Variants in RBM20 observed in about 807,000 individuals in gnomAD.
RBM20 encodes the protein RNA-binding protein 20.
In RBM20, 51 loss-of-function variants were observed where a neutral mutation model predicts 110.1. That is an observed-to-expected ratio of 0.46 (90% CI 0.37 to 0.59). The LOEUF (loss-of-function observed/expected upper bound fraction) is 0.59, where lower values mean the gene tolerates loss of function less well. Among genes scored for constraint, RBM20 ranks in the 20% least tolerant of loss-of-function variants. The pLI is 0.00. For synonymous variants in RBM20, 589 were observed against 618.2 expected (o/e 0.95, Z 0.70); for missense variants, 1,512 against 1,574.9 (o/e 0.96, Z 0.68).
In RBM20 at chr10:110,833,513, C is replaced by A. The variant is rs142098635; in HGVS notation, c.3573+2331C>A. On this transcript the variant is annotated intron_variant, in intron 13 of 13. Coordinates refer to ENST00000369519, the MANE Select transcript of RBM20 (RefSeq NM_001134363.3). ...CATCCTTATATCAGGCTCTGATAGT[C>A]GATGTGAGAACCTTTTCTCTCATCC... 9.1e-3 allele frequency among the ~76,000 whole-genome samples: 1,383 copies of A among 151,904 alleles called. 16 individuals are homozygous for A. Among genetic ancestry groups the A allele is most frequent in the Non-Finnish European group, 0.013 (890 of 68,000 alleles).
At chr10:110,776,088 A>G (rs1844258935) in intron 1 of RBM20, among the ~76,000 whole-genome samples, 1 of 152,182 alleles carries the variant, frequency 6.6e-6, no homozygotes, top group Non-Finnish European at 1.5e-5. Flanking sequence ...CTGTTGCCAG[A>G]GGGATGTGGT....
At chr10:110,696,596 A>T (rs1168242159) in intron 1 of RBM20, among the ~76,000 whole-genome samples, 1 of 152,120 alleles carries the variant, frequency 6.6e-6, no homozygotes, top group African/African-American at 2.4e-5. Flanking sequence ...ACTGGGCTGG[A>T]TCTAGGAGCA....
intron 1 of RBM20, among the ~76,000 whole-genome samples, chr10:110,747,320 G>C (rs1162697766): frequency 6.6e-6 from 1 of 151,758 alleles, no homozygotes; most frequent in African/African-American, 2.4e-5. Flanking sequence ...ATTCTGGCAG[G>C]GTAGCACTGG....
intron 5 of RBM20, among the ~76,000 whole-genome samples, chr10:110,789,774 T>A (rs1376099567): frequency 2.0e-5 from 3 of 152,116 alleles, no homozygotes; most frequent in African/African-American, 7.2e-5. Flanking sequence ...CACTCTAGGG[T>A]CCCCAGAGAT....
At chr10:110,767,504 G>A (rs571109959) in intron 1 of RBM20, among the ~76,000 whole-genome samples, 1 of 141,510 alleles carries the variant, frequency 7.1e-6, no homozygotes, top group African/African-American at 2.6e-5. Context: ...GGGCGGCTGC[G>A]GGGCGGAGGG....
intron 1 of RBM20, among the ~76,000 whole-genome samples, chr10:110,666,812 G>A (rs1862185048): frequency 6.6e-6 from 1 of 152,146 alleles, no homozygotes; most frequent in African/African-American, 2.4e-5. Flanking sequence ...GAGGATTATA[G>A]GGTTTTACAA....
At chr10:110,785,945 T>C (rs1844414138) in intron 5 of RBM20, among the ~76,000 whole-genome samples, 1 of 152,224 alleles carries the variant, frequency 6.6e-6, no homozygotes, top group African/African-American at 2.4e-5. Flanking sequence ...CCAGTAGCAT[T>C]TGTTGGCCCC....
intron 1 of RBM20, among the ~76,000 whole-genome samples, chr10:110,726,921 A>G (rs973651441): frequency 6.6e-6 from 1 of 152,156 alleles, no homozygotes; most frequent in African/African-American, 2.4e-5. Flanking sequence ...ACCTTGGCTC[A>G]CTGCAACCTC....
Position 110,807,984 on chromosome 10 carries a change from C to A in RBM20, c.1801-2399C>A, listed in dbSNP as rs551427685. ...GTCATGGTCTTGGTCCTGATGGTTC[C>A]CACCAGCTTTCCCAAGCTCTGCTGC... On this transcript the variant is annotated intron_variant, in intron 7 of 13. Transcript: ENST00000369519. Among the ~76,000 whole-genome samples the A allele has an allele frequency of 4.6e-5, 7 of 152,342 alleles. No homozygotes were observed. The South Asian group carries it at 1.4e-3, about 32-fold the overall frequency.
chr10:110,696,031 C>G (rs979197379), intron 1 of RBM20, among the ~76,000 whole-genome samples: 1 of 152,214 alleles, frequency 6.6e-6, no homozygotes, highest in Non-Finnish European at 1.5e-5. Flanking sequence ...CTTAGGAATG[C>G]AAATTCTCAG....
chr10:110,768,328 A>G (rs1227056851), intron 1 of RBM20, among the ~76,000 whole-genome samples: 1 of 152,226 alleles, frequency 6.6e-6, no homozygotes, highest in East Asian at 1.9e-4. Flanking sequence ...AGTAATGCAC[A>G]TATAATATTC....
At chr10:110,746,630 CTA>C (rs1234411746) in intron 1 of RBM20, among the ~76,000 whole-genome samples, 1 of 152,204 alleles carries the variant, frequency 6.6e-6, no homozygotes, top group African/African-American at 2.4e-5. Flanking sequence ...TGTGGGAATT[CTA>C]TGATTTTGCA....
At chr10:110,757,030 A>T (rs1843930612) in intron 1 of RBM20, among the ~76,000 whole-genome samples, 1 of 152,256 alleles carries the variant, frequency 6.6e-6, no homozygotes, top group South Asian at 2.1e-4. Flanking sequence ...AGCAAGAATT[A>T]GAGGATATAC....
intron 11 of RBM20, among the ~76,000 whole-genome samples, chr10:110,822,975 T>C (rs1302034321): frequency 3.9e-5 from 6 of 152,128 alleles, no homozygotes; most frequent in Admixed American, 3.9e-4. Flanking sequence ...CCCTTTTATT[T>C]TGCGGTATAG....
chr10:110,687,395 G>A (rs866385996), intron 1 of RBM20, among the ~76,000 whole-genome samples: 2 of 152,216 alleles, frequency 1.3e-5, no homozygotes, highest in African/African-American at 4.8e-5. Context: ...CACTTAACTT[G>A]TATTTATGGT....
At chr10:110,774,309 TG>T (rs1342253153) in intron 1 of RBM20, among the ~76,000 whole-genome samples, 1 of 152,196 alleles carries the variant, frequency 6.6e-6, no homozygotes, top group East Asian at 1.9e-4. Context: ...AGAGGTGTCA[TG>T]GTGATATGAA....
At chr10:110,823,687 TGA>T in intron 12 of RBM20, 73 bp downstream of exon 12, 1 of 1,483,712 alleles carries the variant, frequency 6.7e-7, no homozygotes, top group Non-Finnish European at 9.1e-7. Flanking sequence ...CTCAAGAGCT[TGA>T]GAGAGCTTTT....
At chr10:110,783,313 C>A in intron 2 of RBM20, 53 bp from the exon 3 acceptor site, 2 of 1,409,670 alleles carry the variant, frequency 1.4e-6, no homozygotes, top group Non-Finnish European at 2.0e-6. Context: ...TCATCCTTTG[C>A]CTTCCCATGG....
intron 1 of RBM20, among the ~76,000 whole-genome samples, chr10:110,699,536 T>A (rs1279544585): frequency 6.6e-6 from 1 of 151,820 alleles, no homozygotes; most frequent in Non-Finnish European, 1.5e-5. Flanking sequence ...CCACAAAAAG[T>A]GCTGAGATTA....
Sources: gnomAD v4.1 joint callset for allele counts (sites outside exome capture counted in the v4.1 genomes callset) on GRCh38, gnomAD v4.1.1 for gene constraint, MANE v1.5 for transcripts, NCBI Gene and HGNC (gene_info 2026-07-23, HGNC 2026-07-21) for gene names.